Variants in PSMD12 observed in about 807,000 individuals in gnomAD.
PSMD12 encodes 26S proteasome non-ATPase regulatory subunit 12.
In PSMD12, 8 loss-of-function variants were observed where a neutral mutation model predicts 62.9. That is an observed-to-expected ratio of 0.13 (90% CI 0.07 to 0.23). The LOEUF (loss-of-function observed/expected upper bound fraction) is 0.23, where lower values mean the gene tolerates loss of function less well. Among genes scored for constraint, PSMD12 ranks in the 10% least tolerant of loss-of-function variants. The pLI is 1.00. For missense variants in PSMD12, 424 were observed against 550.2 expected (o/e 0.77, Z 2.29); for synonymous variants, 173 against 187.4 (o/e 0.92, Z 0.63).
intron 9 of PSMD12, 57 bp from the exon 10 acceptor site, chr17:67,342,320 G>T: frequency 1.7e-6 from 2 of 1,171,334 alleles, no homozygotes; most frequent in Non-Finnish European, 2.5e-6. Flanking sequence ...AAGTCTAAAA[G>T]TCCATTTATT....
chr17:67,362,498 C>A (rs1224355039), intron 1 of PSMD12, among the ~76,000 whole-genome samples: 3 of 151,896 alleles, frequency 2.0e-5, no homozygotes, highest in Admixed American at 6.6e-5. Flanking sequence ...TATGGTGAAA[C>A]CCTGTCTGTA....
intron 1 of PSMD12, among the ~76,000 whole-genome samples, chr17:67,363,059 G>A (rs2042147927): frequency 1.3e-5 from 2 of 152,166 alleles, no homozygotes; most frequent in Admixed American, 1.3e-4. Context: ...TCTACATTTG[G>A]CAATTTTACA....
chr17:67,357,891 T>A (rs919842885), intron 1 of PSMD12, among the ~76,000 whole-genome samples: 4 of 151,766 alleles, frequency 2.6e-5, no homozygotes, highest in South Asian at 2.1e-4. Flanking sequence ...GGATTCTAAT[T>A]TATCAACTCA....
chr17:67,342,069 A>G, intron 10 of PSMD12, 117 bp downstream of exon 10: 2 of 777,004 alleles, frequency 2.6e-6, no homozygotes, highest in Non-Finnish European at 4.2e-6. Context: ...TTGGGAAACT[A>G]TTACTCTATT....
At chr17:67,345,878 G>A in intron 7 of PSMD12, 21 bp from the exon 8 acceptor site, 1 of 1,569,440 alleles carries the variant, frequency 6.4e-7, no homozygotes, top group East Asian at 2.2e-5. Context: ...TGTACAACAA[G>A]TTATATGCAA....
At chr17:67,359,483 A>T (rs1320235343) in intron 1 of PSMD12, among the ~76,000 whole-genome samples, 3 of 152,088 alleles carry the variant, frequency 2.0e-5, no homozygotes, top group South Asian at 2.1e-4. Flanking sequence ...CCAAAAATGA[A>T]TTTTTTTTAT....
chr17:67,350,485 C>T (rs1037466694), intron 3 of PSMD12, 149 bp from the exon 4 acceptor site: 1 of 520,068 alleles, frequency 1.9e-6, no homozygotes, highest in African/African-American at 2.0e-5. Context: ...ATCGAAATCT[C>T]ACTGATACCT....
chr17:67,342,838 A>AG (rs57792247), intron 9 of PSMD12, among the ~76,000 whole-genome samples: 33,447 of 150,814 alleles, frequency 0.22, 3,893 homozygotes, highest in Middle Eastern at 0.28. Flanking sequence ...TAGGAAGCTG[A>AG]GGGGGGAGAA....
intron 4 of PSMD12, among the ~76,000 whole-genome samples, chr17:67,349,735 A>G (rs755998473): frequency 3.3e-5 from 5 of 152,238 alleles, no homozygotes; most frequent in African/African-American, 9.6e-5. Context: ...TAGTAGATTT[A>G]TAATTTCCAA....
In PSMD12 at chr17:67,362,262, C is replaced by T. The variant is rs557409692; in HGVS notation, c.108+4150G>A. Among the ~76,000 whole-genome samples, 6 of 152,294 alleles carry T rather than the reference C, an allele frequency of 3.9e-5. No individual in the cohort carries two copies. The South Asian group carries it at 6.2e-4, about 16-fold the overall frequency. ...AAAAGGCCCTCCTTAATTTTTAACT[C>T]CTGAATACAAGGCAAAGAGATAACC... On this transcript the variant is annotated intron_variant, in intron 1 of 10. Transcript: ENST00000356126.
chr17:67,355,996 A>ACACACACACACG (rs2042066652), intron 3 of PSMD12, among the ~76,000 whole-genome samples: 1 of 148,616 alleles, frequency 6.7e-6, no homozygotes, highest in Non-Finnish European at 1.5e-5. Context: ...ACACACACAC[A>ACACACACACACG]CACACACACA....
At chr17:67,342,978 CTCATCA>C (rs1025047783) in intron 9 of PSMD12, among the ~76,000 whole-genome samples, 1 of 151,236 alleles carries the variant, frequency 6.6e-6, no homozygotes, top group Non-Finnish European at 1.5e-5. Context: ...ATTTCAAATA[CTCATCA>C]CTTTACCATT....
intron 3 of PSMD12, among the ~76,000 whole-genome samples, chr17:67,351,841 C>T (rs1292909106): frequency 2.7e-5 from 4 of 150,764 alleles, no homozygotes; most frequent in Admixed American, 1.3e-4. Context: ...GGCTCATGCC[C>T]GTAATCCCAG....
chr17:67,344,579 A>AT lies in PSMD12; in HGVS notation c.1083+26dup, dbSNP rs779341415. 7 of 1,488,234 alleles carry AT rather than the reference A, an allele frequency of 4.7e-6. No individual in the cohort carries two copies. The East Asian group carries it at 1.4e-4, about 29-fold the overall frequency. 92.2% of individuals were successfully genotyped at this position (1,488,234 alleles called of 1,614,324 possible). On this transcript the variant is annotated intron_variant, in intron 9 of 10. Coordinates refer to ENST00000356126, the MANE Select transcript of PSMD12 (RefSeq NM_002816.5). ...AAATTCACTAAAGGTTAAAATAAAAATTGTCATCTCTATGACAGATTCTTA... is the reference window on the plus strand; with the variant it reads ...AAATTCACTAAAGGTTAAAATAAAAATTTGTCATCTCTATGACAGATTCTTA...
rs201961224 is a variant in PSMD12, at chr17:67,344,720, G to A, written c.969C>T (p.Asp323=). The A allele has an allele frequency of 8.9e-5, 143 of 1,613,292 alleles. No homozygotes were observed. The highest frequency in any genetic ancestry group is 1.2e-4 in the Non-Finnish European group (143 of 1,179,612). ...AACCTTTTCTTAATTCCATTCCATA[G>A]TCCTCAACAAGTGTGGACCAACGCA... ...ELMRWSTLVE[D]YGMELRKGSL... The change falls in exon 9 of 11, where the codon GAC becomes GAT. Residue 323 remains aspartate (D), a synonymous_variant. Transcript: ENST00000356126.
chr17:67,351,894 C>T (rs56363454), intron 3 of PSMD12, among the ~76,000 whole-genome samples: 26,949 of 150,866 alleles, frequency 0.18, 3,039 homozygotes, highest in South Asian at 0.32. Flanking sequence ...GTCAAGAGAT[C>T]GAGACCATTC....
At chr17:67,365,227 C>T (rs976422150) in intron 1 of PSMD12, among the ~76,000 whole-genome samples, 1 of 151,310 alleles carries the variant, frequency 6.6e-6, no homozygotes, top group Non-Finnish European at 1.5e-5. Context: ...CTACAATAGG[C>T]TTCTAGGCAG....
Position 67,344,666 on chromosome 17 carries a change from A to G in PSMD12, c.1023T>C (p.Phe341=). 1 of 1,612,868 alleles carries G rather than the reference A, an allele frequency of 6.2e-7. No homozygotes were observed. Among genetic ancestry groups the G allele is most frequent in the Non-Finnish European group, 8.5e-7 (1 of 1,179,204 alleles). ...TTTTTTCACCTTCCTCTGTAGAACC[A>G]AAAACATCCGTTGCAGGACTCTCAA... The part of the protein sequence containing the change: ...GSLESPATDV[F]GSTEEGEKRW... Residue 341 remains phenylalanine (F), a synonymous_variant, in exon 9 of 11, where the codon TTT becomes TTC. Coordinates refer to ENST00000356126, the MANE Select transcript of PSMD12 (RefSeq NM_002816.5).
intron 1 of PSMD12, among the ~76,000 whole-genome samples, chr17:67,357,974 T>A (rs2042092058): frequency 6.6e-6 from 1 of 151,990 alleles, no homozygotes; most frequent in Non-Finnish European, 1.5e-5. Flanking sequence ...CAGGCTGAAG[T>A]GCAGTGGCAC....
Sources: gnomAD v4.1 joint callset for allele counts (sites outside exome capture counted in the v4.1 genomes callset) on GRCh38, gnomAD v4.1.1 for gene constraint, MANE v1.5 for transcripts, NCBI Gene and HGNC (gene_info 2026-07-23, HGNC 2026-07-21) for gene names.